The following RYR3 variants were observed in gnomAD, a reference collection of about 807,000 sequenced individuals.
RYR3 encodes the protein brain ryanodine receptor-calcium release channel.
In RYR3, 207 loss-of-function variants were observed where a neutral mutation model predicts 584.3. That is an observed-to-expected ratio of 0.35 (90% CI 0.32 to 0.40). RYR3 has a LOEUF of 0.40. Ranked by LOEUF, RYR3 falls within the 10% of genes least tolerant of loss-of-function variation. The pLI is 1.00. For missense variants in RYR3, 5,616 were observed against 6,089.2 expected, an observed-to-expected ratio of 0.92 and a Z score of 2.59; for synonymous variants, 2,416 against 2,248.5, an observed-to-expected ratio of 1.07 and a Z score of -2.11.
intron 60 of RYR3, among the ~76,000 whole-genome samples, chr15:33,761,728 G>A (rs1245910058): frequency 2.0e-5 from 3 of 152,198 alleles, no homozygotes; most frequent in African/African-American, 7.2e-5. Flanking sequence ...AACAGAAAAA[G>A]AGGGACTCCT....
Position 33,649,228 on chromosome 15 carries a change from C to T in RYR3, c.4135C>T (p.His1379Tyr). Reference protein sequence around the residue: ...VTLGDERGRVHESVKRSNCYM... With the variant: ...VTLGDERGRVYESVKRSNCYM... ...CCTAGGGGATGAAAGAGGCCGGGTC[C>T]ATGAAAGGTAAGGGGGCTCCCAAGT... The change falls in exon 31 of 104, where the codon CAT becomes TAT. Residue 1379 changes from histidine to tyrosine, a missense_variant. Transcript: ENST00000634891. 1 of 1,611,996 alleles carries T rather than the reference C, an allele frequency of 6.2e-7. No individual in the cohort carries two copies. The highest frequency in any genetic ancestry group is 8.5e-7 in the Non-Finnish European group (1 of 1,179,450).
At chr15:33,319,930 A>G (rs1470861755) in intron 1 of RYR3, among the ~76,000 whole-genome samples, 1 of 152,202 alleles carries the variant, frequency 6.6e-6, no homozygotes, top group Non-Finnish European at 1.5e-5. Flanking sequence ...CAGATTGGAA[A>G]GTTCACAAAT....
chr15:33,313,362 A>G (rs370707809), intron 1 of RYR3, among the ~76,000 whole-genome samples: 2 of 152,240 alleles, frequency 1.3e-5, no homozygotes, highest in East Asian at 3.8e-4. Flanking sequence ...GATGTTATAT[A>G]TAGTCTTAAG....
chr15:33,818,518 C>A, intron 75 of RYR3, 60 bp from the exon 76 acceptor site: 1 of 1,263,394 alleles, frequency 7.9e-7, no homozygotes, highest in Non-Finnish European at 1.2e-6. Context: ...TGTTCGCATG[C>A]CAGTCACGTG....
intron 21 of RYR3, among the ~76,000 whole-genome samples, chr15:33,629,391 A>C (rs1034436397): frequency 6.6e-6 from 1 of 152,256 alleles, no homozygotes; most frequent in African/African-American, 2.4e-5. Context: ...AAAAAGTAAA[A>C]TATCTCATAA....
At chr15:33,383,229 A>G (rs750130692) in intron 1 of RYR3, among the ~76,000 whole-genome samples, 3 of 149,844 alleles carry the variant, frequency 2.0e-5, no homozygotes, top group Non-Finnish European at 3.0e-5. Context: ...GCTCCAGGAT[A>G]TGCATGTGAG....
chr15:33,828,882 TC>T lies in RYR3; in HGVS notation c.11334+1597del, dbSNP rs1375238110. On this transcript the variant is annotated intron_variant, in intron 85 of 103. Transcript: ENST00000634891. Reference sequence around the variant, plus strand: ...TTCCCACGTACATGAAACAGCCTTCTCCTAGAAGAGAGATACCATCTAGGAC... The same window carrying T: ...TTCCCACGTACATGAAACAGCCTTCTCTAGAAGAGAGATACCATCTAGGAC... Among the ~76,000 whole-genome samples, 4 of 152,292 alleles carry T rather than the reference TC, an allele frequency of 2.6e-5. No individual in the cohort carries two copies. The East Asian group carries it at 7.7e-4, about 29-fold the overall frequency.
intron 1 of RYR3, among the ~76,000 whole-genome samples, chr15:33,340,147 C>T (rs1971649404): frequency 6.6e-6 from 1 of 152,178 alleles, no homozygotes; most frequent in African/African-American, 2.4e-5. Context: ...TTAGCTTCTT[C>T]CAACTTAGTG....
Position 33,628,493 on chromosome 15 carries a change from A to G in RYR3, c.2597A>G (p.Glu866Gly). 1.2e-6 allele frequency: 2 copies of G among 1,613,130 alleles called. No individual in the cohort carries two copies. The highest frequency in any genetic ancestry group is 1.7e-6 in the Non-Finnish European group (2 of 1,179,136). ...TSQVILPPHL[E>G]KIRDRLAENI... ...TAGGTTATTTTGCCACCTCACCTAG[A>G]AAAGATCCGAGACAGACTAGCTGAA... The change falls in exon 21 of 104, where the codon GAA becomes GGA. Residue 866 changes from glutamate to glycine, a missense_variant. Glu to Gly is a moderately conservative substitution (Grantham distance 98). Coordinates refer to ENST00000634891, the MANE Select transcript of RYR3 (RefSeq NM_001036.6).
chr15:33,791,595 A>G (rs1452077692), intron 67 of RYR3, among the ~76,000 whole-genome samples: 1 of 152,072 alleles, frequency 6.6e-6, no homozygotes, highest in Non-Finnish European at 1.5e-5. Context: ...CGGGGTGATT[A>G]CCCGGTAGCA....
intron 28 of RYR3, among the ~76,000 whole-genome samples, chr15:33,645,325 G>GTGTT (rs1450451164): frequency 6.6e-6 from 1 of 152,118 alleles, no homozygotes; most frequent in Non-Finnish European, 1.5e-5. Context: ...TAGGGGGAGA[G>GTGTT]TGTTGATTTA....
intron 2 of RYR3, among the ~76,000 whole-genome samples, chr15:33,474,202 G>A (rs933452042): frequency 6.6e-6 from 1 of 152,180 alleles, no homozygotes; most frequent in Non-Finnish European, 1.5e-5. Context: ...TATCCGTCAG[G>A]GTTCTCCAGA....
intron 1 of RYR3, among the ~76,000 whole-genome samples, chr15:33,460,680 G>A (rs2047948281): frequency 6.6e-6 from 1 of 152,166 alleles, no homozygotes; most frequent in South Asian, 2.1e-4. Context: ...CTTGCTCTGA[G>A]CAGTGACTTA....
rs1047810714 is a variant in RYR3, at chr15:33,663,815, T to C, written c.5619+78T>C. The stretch of plus-strand genomic sequence containing the variant: ...TATGGAACAGGGCACATGAAACCTC[T>C]ATGGTCTCTGGGGCAGCCTCAAGAG... On this transcript the variant is annotated intron_variant, in intron 36 of 103. Transcript: ENST00000634891. The C allele has an allele frequency of 7.7e-5, 98 of 1,276,976 alleles. 3 individuals are homozygous for C. The South Asian group carries it at 1.0e-3, about 13-fold the overall frequency. The allele number at this position is 1,276,976 out of a possible 1,614,324, so 79.1% of individuals were successfully genotyped here.
At chr15:33,356,908 C>A (rs775512891) in intron 1 of RYR3, among the ~76,000 whole-genome samples, 6 of 152,168 alleles carry the variant, frequency 3.9e-5, no homozygotes, top group Non-Finnish European at 8.8e-5. Context: ...CATAGTTGAG[C>A]AATACCATTT....
At chr15:33,829,019 C>G (rs2077521949) in intron 85 of RYR3, among the ~76,000 whole-genome samples, 1 of 152,130 alleles carries the variant, frequency 6.6e-6, no homozygotes, top group Non-Finnish European at 1.5e-5. Context: ...AGCCACTGCT[C>G]GTTTACCATT....
rs767640329 is a variant in RYR3 at position 33,566,721 on chromosome 15, T to C, written c.1190T>C (p.Leu397Pro). ...QEGHMDDGLT[L>P]QRCQREESQA... ...GGCCACATGGATGATGGATTAACAC[T>C]GCAGAGATGCCAGCGTGAGGAGTCC... The change falls in exon 12 of 104, where the codon CTG becomes CCG. Residue 397 changes from leucine to proline, a missense_variant. Leu to Pro is a moderately conservative substitution (Grantham distance 98). Around this residue, in one of 9 missense-constraint regions of RYR3, gnomAD observed 1,284 missense variants for 1,344.6 expected, o/e 0.95. Transcript: ENST00000634891. The C allele has an allele frequency of 2.5e-6, 4 of 1,613,666 alleles. No individual in the cohort carries two copies. Among genetic ancestry groups the C allele is most frequent in the African/African-American group, 1.3e-5 (1 of 74,912 alleles).
At position 33,811,049 on chromosome 15, in the gene RYR3, G is replaced by A. The variant is rs764362284; in HGVS notation, c.10257+12G>A. 7 of 1,603,048 alleles carry A rather than the reference G, an allele frequency of 4.4e-6. No homozygotes were observed. Among genetic ancestry groups the A allele is most frequent in the Non-Finnish European group, 3.4e-6 (4 of 1,174,640 alleles). On this transcript the variant is annotated intron_variant, in intron 72 of 103. Transcript: ENST00000634891. Reference sequence around the variant, plus strand: ...ACTTGCAGGAAAAGGTGATGACTCAGGACAGCAGTGAGAACTCACACCGGC... The same window carrying A: ...ACTTGCAGGAAAAGGTGATGACTCAAGACAGCAGTGAGAACTCACACCGGC...
At chr15:33,612,991 G>T (rs755057871) in intron 18 of RYR3, among the ~76,000 whole-genome samples, 192 bp from the exon 19 acceptor site, 2 of 152,172 alleles carry the variant, frequency 1.3e-5, no homozygotes, top group Non-Finnish European at 2.9e-5. Context: ...GCCAGCTTAG[G>T]AATTCATTTC....
Sources: gnomAD v4.1 joint callset for allele counts (sites outside exome capture counted in the v4.1 genomes callset) on GRCh38, gnomAD v4.1.1 for gene constraint, gnomAD v4.1.1 regional missense constraint, MANE v1.5 for transcripts, NCBI Gene and HGNC (gene_info 2026-07-23, HGNC 2026-07-21) for gene names.